The following TPCN1 variants were observed in gnomAD, a reference collection of about 807,000 sequenced individuals.
The protein encoded by TPCN1 is two pore channel protein 1.
Under a neutral mutation model 108.8 loss-of-function variants are expected in TPCN1, and 52 were observed. The observed-to-expected ratio is 0.48, with a 90% CI of 0.38 to 0.60. TPCN1 has a LOEUF of 0.60. TPCN1 is among the 20% of genes least tolerant of loss of function. The probability of loss-of-function intolerance (pLI) is 0.00; values close to 1 mark genes in which losing one functional copy is unlikely to be tolerated. For synonymous variants in TPCN1, 446 were observed against 433.7 expected (o/e 1.03, Z -0.35); for missense variants, 806 against 1,072.8 (o/e 0.75, Z 3.47).
intron 2 of TPCN1, among the ~76,000 whole-genome samples, chr12:113,234,124 G>A (rs1361395116): frequency 1.3e-5 from 2 of 152,098 alleles, no homozygotes; most frequent in Non-Finnish European, 2.9e-5. Context: ...GCGTTTCATG[G>A]TGAAGCTGTG....
At chr12:113,280,731 T>G (rs1955858846) in intron 15 of TPCN1, among the ~76,000 whole-genome samples, 2 of 152,238 alleles carry the variant, frequency 1.3e-5, no homozygotes, top group Admixed American at 1.3e-4. Flanking sequence ...ATTGTGCAGA[T>G]AAGAAAATTT....
In TPCN1 at chr12:113,266,149, T is replaced by G. The variant is rs1357996365; in HGVS notation, c.238-31T>G. 6.2e-7 allele frequency: 1 copy of G among 1,611,160 alleles called. No individual in the cohort carries two copies. The highest frequency in any genetic ancestry group is 1.3e-5 in the African/African-American group (1 of 74,892). The stretch of plus-strand genomic sequence containing the variant: ...TTTGGCGTTGGATGGGTCTCCAGGC[T>G]TACATGCCCACACTACTCTCATCTT... On this transcript the variant is annotated intron_variant, in intron 3 of 27. Coordinates refer to ENST00000335509, the MANE Select transcript of TPCN1 (RefSeq NM_017901.6). The surrounding 1 kb of genome is among the most constrained non-coding windows in gnomAD (Gnocchi z 4.2).
chr12:113,250,078 G>A (rs934319868), intron 2 of TPCN1: 6 of 152,246 alleles, frequency 3.9e-5, no homozygotes, highest in Admixed American at 6.5e-5. Context: ...TTATTTTAGC[G>A]GAAGCTGAGC....
In TPCN1 at chr12:113,290,248, G is replaced by A; in HGVS notation, c.1912+5G>A. The A allele has an allele frequency of 2.5e-6, 4 of 1,577,386 alleles. No individual in the cohort carries two copies. The highest frequency in any genetic ancestry group is 3.5e-6 in the Non-Finnish European group (4 of 1,156,196). On this transcript the variant is annotated splice_donor_5th_base_variant and intron_variant, in intron 22 of 27. Transcript: ENST00000335509. ...ACAACATCCTCAACAGCTTTGGTGA[G>A]TGGGAAAAATCACAGGGGGCACATT... is the stretch of plus-strand genomic sequence containing the variant.
intron 2 of TPCN1, among the ~76,000 whole-genome samples, chr12:113,253,877 T>C (rs1954736766): frequency 6.6e-6 from 1 of 152,232 alleles, no homozygotes; most frequent in Non-Finnish European, 1.5e-5. Context: ...TGCCGCAGGA[T>C]AGGTTTTGGC....
intron 2 of TPCN1, among the ~76,000 whole-genome samples, chr12:113,254,095 T>C (rs551278180): frequency 1.3e-5 from 2 of 152,330 alleles, no homozygotes; most frequent in South Asian, 2.1e-4. Context: ...TCTTGGCAAA[T>C]TTCTTGAAAG....
intron 2 of TPCN1, 80 bp downstream of exon 2, chr12:113,227,044 A>T: frequency 8.3e-7 from 1 of 1,208,782 alleles, no homozygotes; most frequent in Non-Finnish European, 1.2e-6. Context: ...TTGTGGTCTG[A>T]TAGTAGGGGT....
At chr12:113,250,009 A>G (rs1954571372) in intron 2 of TPCN1, 1 of 152,284 alleles carries the variant, frequency 6.6e-6, no homozygotes, top group Non-Finnish European at 1.5e-5. Context: ...TATTTCACCT[A>G]TAAAGTGCTG....
rs750464821 is a variant in TPCN1 at position 113,285,892 on chromosome 12, A to G, written c.1457A>G (p.Tyr486Cys). 17 of 1,614,050 alleles carry G rather than the reference A, an allele frequency of 1.1e-5. No homozygotes were observed. Among genetic ancestry groups the G allele is most frequent in the Middle Eastern group, 1.7e-4 (1 of 6,052 alleles). ...GATGGATTCCTTCTGTCCACAGTCT[A>G]TGGGGTGGAGCTGTTCCTGAAGGTT... Reference protein sequence around the residue: ...PWSYLVFLTIYGVELFLKVAG... With the variant: ...PWSYLVFLTICGVELFLKVAG... Residue 486 changes from tyrosine to cysteine, a missense_variant, in exon 18 of 28, where the codon TAT becomes TGT. Tyr to Cys is a radical substitution (Grantham distance 194). Coordinates refer to ENST00000335509, the MANE Select transcript of TPCN1 (RefSeq NM_017901.6).
Position 113,226,891 on chromosome 12 carries a change from G to C in TPCN1, c.39G>C (p.Leu13=). The change falls in exon 2 of 28, where the codon CTG becomes CTC. Residue 13 remains leucine (L), a synonymous_variant. Transcript: ENST00000335509. ...VSLDDDVPLI[L]TLDEGGSAPL... The stretch of plus-strand genomic sequence containing the variant: ...TGGATGACGACGTGCCGCTCATCCT[G>C]ACCTTGGATGAGGGTGGCAGTGCCC... The C allele has an allele frequency of 6.2e-7, 1 of 1,614,178 alleles. No individual in the cohort carries two copies. Among genetic ancestry groups the C allele is most frequent in the Non-Finnish European group, 8.5e-7 (1 of 1,180,040 alleles).
At position 113,268,970 on chromosome 12, in the gene TPCN1, C is replaced by A. The variant is rs997437808; in HGVS notation, c.659+98C>A. 2 of 1,403,520 alleles carry A rather than the reference C, an allele frequency of 1.4e-6. No homozygotes were observed. Among genetic ancestry groups the A allele is most frequent in the African/African-American group, 1.4e-5 (1 of 71,196 alleles). 86.9% of individuals were successfully genotyped at this position (1,403,520 alleles called of 1,614,324 possible). On this transcript the variant is annotated intron_variant, in intron 6 of 27. Transcript: ENST00000335509. This position sits in a 1 kb window ranked among gnomAD's most constrained non-coding sequence, Gnocchi z 7.3. Reference sequence around the variant, plus strand: ...CTTGTGAGTCAGTTAGTGATGAGGTCGACCCTGCATGCTGGTGGAGTACAC... The same window carrying A: ...CTTGTGAGTCAGTTAGTGATGAGGTAGACCCTGCATGCTGGTGGAGTACAC...
Position 113,231,868 on chromosome 12 carries a change from GT to G in TPCN1, c.112+4906del, listed in dbSNP as rs1953698000. Among the ~76,000 whole-genome samples, 1 of 152,224 alleles carries G rather than the reference GT, an allele frequency of 6.6e-6. No individual in the cohort carries two copies. The highest frequency in any genetic ancestry group is 2.4e-5 in the African/African-American group (1 of 41,468). Reference sequence around the variant, plus strand: ...CTTGAAAACAGTCAGCGGGGCCACTGTTAGAGCAGTGTAGAGACAGACCACA... The same window carrying G: ...CTTGAAAACAGTCAGCGGGGCCACTGTAGAGCAGTGTAGAGACAGACCACA... On this transcript the variant is annotated intron_variant, in intron 2 of 27. Coordinates refer to ENST00000335509, the MANE Select transcript of TPCN1 (RefSeq NM_017901.6). The surrounding 1 kb of genome is among the most constrained non-coding windows in gnomAD (Gnocchi z 4.3).
chr12:113,228,185 C>T (rs1238921454), intron 2 of TPCN1, among the ~76,000 whole-genome samples: 2 of 152,178 alleles, frequency 1.3e-5, no homozygotes, highest in Non-Finnish European at 2.9e-5. Flanking sequence ...GTCACACAGC[C>T]AGGAAATGGT....
At position 113,284,588 on chromosome 12, in the gene TPCN1, G is replaced by A. The variant is rs1169340000; in HGVS notation, c.1350G>A (p.Val450=). The change falls in exon 16 of 28, where the codon GTG becomes GTA. Residue 450 remains valine, a synonymous_variant. Transcript: ENST00000335509. This position sits in a 1 kb window ranked among gnomAD's most constrained non-coding sequence, Gnocchi z 4.1. ...CGGGCCTGTGTATTTCAGACTTGGT[G>A]GTGGCAGTCAACGGGGTCTGGATCC... ...SKAFQYFMYL[V]VAVNGVWILV... 3.7e-6 allele frequency: 6 copies of A among 1,614,044 alleles called. No individual in the cohort carries two copies. The highest frequency in any genetic ancestry group is 3.3e-5 in the Admixed American group (2 of 59,994).
chr12:113,225,414 A>T (rs530149173), intron 1 of TPCN1: 1 of 339,630 alleles, frequency 2.9e-6, no homozygotes, highest in Non-Finnish European at 5.9e-6. Flanking sequence ...AGAGAAGTGG[A>T]GGTAGGACAT....
chr12:113,283,134 CA>C (rs1955949120), intron 15 of TPCN1, among the ~76,000 whole-genome samples: 1 of 151,950 alleles, frequency 6.6e-6, no homozygotes, highest in East Asian at 1.9e-4. Context: ...TCAGATCTAC[CA>C]AAAAAAGTAT....
In TPCN1 at chr12:113,267,845, C is replaced by A; in HGVS notation, c.417C>A (p.Val139=). 6.2e-7 allele frequency: 1 copy of A among 1,612,694 alleles called. No homozygotes were observed. Among genetic ancestry groups the A allele is most frequent in the Non-Finnish European group, 8.5e-7 (1 of 1,178,750 alleles). ...ATCTCCACACCCTCTGGTCTCAGGT[C>A]CACGCCACCCTGGAGCTGTTTGCCC... ...AVPALRLGIY[V]HATLELFALM... The change falls in exon 5 of 28, where the codon GTC becomes GTA. Residue 139 remains valine, a splice_region_variant and synonymous_variant. Transcript: ENST00000335509.
intron 2 of TPCN1, among the ~76,000 whole-genome samples, chr12:113,233,500 G>A (rs1021496035): frequency 6.6e-6 from 1 of 152,238 alleles, no homozygotes; most frequent in Non-Finnish European, 1.5e-5. Context: ...CTGGAGTGAC[G>A]TCAATCTTGA....
At chr12:113,234,951 GCT>G (rs1953829069) in intron 2 of TPCN1, among the ~76,000 whole-genome samples, 1 of 152,144 alleles carries the variant, frequency 6.6e-6, no homozygotes, top group South Asian at 2.1e-4. Flanking sequence ...GGCTGCCCCT[GCT>G]CTCTCTGACG....
Sources: gnomAD v4.1 joint callset for allele counts (sites outside exome capture counted in the v4.1 genomes callset) on GRCh38, gnomAD v4.1.1 for gene constraint, Gnocchi (gnomAD v3.1) non-coding constraint, MANE v1.5 for transcripts, NCBI Gene and HGNC (gene_info 2026-07-23, HGNC 2026-07-21) for gene names.